Variants in VPS35L observed in about 807,000 individuals in gnomAD.
The protein encoded by VPS35L is VPS35 endosomal protein-sorting factor-like.
A neutral mutation model predicts 133.0 loss-of-function variants in VPS35L; 83 were observed. That is an observed-to-expected ratio of 0.62 (90% CI 0.52 to 0.75). The LOEUF is 0.75. Among genes scored for constraint, VPS35L ranks in the 30% least tolerant of loss-of-function variants. VPS35L has a pLI of 0.00. For missense variants in VPS35L, 1,083 were observed against 1,206.8 expected (o/e 0.90, Z 1.52); for synonymous variants, 423 against 449.9 (o/e 0.94, Z 0.76).
At chr16:19,570,789 T>TGACTTCA (rs1490826938) in intron 3 of VPS35L, among the ~76,000 whole-genome samples, 2 of 142,362 alleles carry the variant, frequency 1.4e-5, no homozygotes, top group Non-Finnish European at 3.0e-5. Flanking sequence ...CTGGCCAGTC[T>TGACTTCA]GACTTCAGAA....
Position 19,640,078 on chromosome 16 carries a change from T to C in VPS35L, c.1762T>C (p.Cys588Arg), listed in dbSNP as rs768183901. ...GAGTGTGCGGGTGGAGGTTTGCAAA[T>C]GCATCATGGACGCCTTTATCAAGTG... is the stretch of plus-strand genomic sequence containing the variant. ...KESVRVEVCK[C>R]IMDAFIKHQQ... The change falls in exon 21 of 31, where the codon TGC (cysteine) becomes CGC (arginine). Residue 588 changes from cysteine (C) to arginine (R), a missense_variant. Cys to Arg is a radical substitution (Grantham distance 180, BLOSUM62 -3). Transcript: ENST00000417362. 6.2e-7 allele frequency: 1 copy of C among 1,614,226 alleles called. No individual in the cohort carries two copies. The highest frequency in any genetic ancestry group is 1.1e-5 in the South Asian group (1 of 91,090).
intron 27 of VPS35L, among the ~76,000 whole-genome samples, chr16:19,673,707 T>TG (rs1163949940): frequency 1.3e-5 from 2 of 152,200 alleles, no homozygotes; most frequent in African/African-American, 4.8e-5. Flanking sequence ...AACACCTCAC[T>TG]AGGTGCCCCA....
intron 15 of VPS35L, 101 bp downstream of exon 15, chr16:19,626,324 G>A: frequency 1.2e-6 from 1 of 866,496 alleles, no homozygotes; most frequent in Non-Finnish European, 1.9e-6. Context: ...AGAGAGAGAG[G>A]CAGGACTGCA....
rs146681274 is a variant in VPS35L, at chr16:19,640,029, G to T, written c.1713G>T (p.Pro571=). The T allele has an allele frequency of 1.9e-5, 31 of 1,614,096 alleles. No individual in the cohort carries two copies. The African/African-American group carries it at 2.9e-4, about 15-fold the overall frequency. The change falls in exon 21 of 31, where the codon CCG becomes CCT. Residue 571 remains proline (P), a synonymous_variant. Coordinates refer to ENST00000417362, the MANE Select transcript of VPS35L (RefSeq NM_020314.7). ...SVLFSVEKFL[P]FLDMFQKESV... ...TTTATTTATAGGAAAAATTTCTGCC[G>T]TTTCTGGACATGTTCCAAAAAGAGA... is the stretch of plus-strand genomic sequence containing the variant.
At chr16:19,586,039 A>G (rs1971853268) in intron 7 of VPS35L, among the ~76,000 whole-genome samples, 1 of 152,060 alleles carries the variant, frequency 6.6e-6, no homozygotes, top group African/African-American at 2.4e-5. Context: ...CTAGGAGTAT[A>G]GACATATGCT....
intron 29 of VPS35L, among the ~76,000 whole-genome samples, chr16:19,696,173 C>T (rs1402645288): frequency 6.6e-6 from 1 of 152,160 alleles, no homozygotes; most frequent in Non-Finnish European, 1.5e-5. Context: ...CATAAGCCAC[C>T]GTGCCCGGCT....
chr16:19,584,326 G>A (rs1359530511), intron 7 of VPS35L, among the ~76,000 whole-genome samples: 1 of 152,154 alleles, frequency 6.6e-6, no homozygotes, highest in Non-Finnish European at 1.5e-5. Flanking sequence ...CACCCATAGT[G>A]TGTAAGAGTT....
intron 8 of VPS35L, among the ~76,000 whole-genome samples, chr16:19,597,382 AAAAG>A (rs796773132): frequency 5.9e-5 from 9 of 152,068 alleles, no homozygotes; most frequent in African/African-American, 1.2e-4. Context: ...GAAAAAAAAA[AAAAG>A]AAAGGAGGAA....
chr16:19,588,825 T>C (rs1336895963), intron 7 of VPS35L, among the ~76,000 whole-genome samples: 2 of 152,250 alleles, frequency 1.3e-5, no homozygotes, highest in African/African-American at 4.8e-5. Flanking sequence ...AACTGCTCTG[T>C]GCCTCTTCAG....
chr16:19,616,957 G>A (rs769226521), intron 14 of VPS35L, 149 bp downstream of exon 14: 3 of 1,185,916 alleles, frequency 2.5e-6, no homozygotes, highest in Non-Finnish European at 3.6e-6. Context: ...TGCCATGGTG[G>A]CTGGCTCTGT....
intron 12 of VPS35L, among the ~76,000 whole-genome samples, chr16:19,613,525 T>C (rs1218191918): frequency 6.6e-6 from 1 of 152,202 alleles, no homozygotes; most frequent in Admixed American, 6.5e-5. Context: ...TTGAGTTGGC[T>C]TCATTCTGTG....
intron 22 of VPS35L, among the ~76,000 whole-genome samples, chr16:19,643,504 C>T (rs1973848144): frequency 6.6e-6 from 1 of 152,152 alleles, no homozygotes; most frequent in Non-Finnish European, 1.5e-5. Context: ...TGTACCTCAA[C>T]CATGTCCACG....
intron 26 of VPS35L, among the ~76,000 whole-genome samples, chr16:19,663,380 A>T (rs1974550966): frequency 6.6e-6 from 1 of 152,046 alleles, no homozygotes; most frequent in Non-Finnish European, 1.5e-5. Context: ...CTCATCCACC[A>T]CTCCAATATT....
chr16:19,653,348 G>A (rs1052189190), intron 26 of VPS35L, among the ~76,000 whole-genome samples: 16 of 152,196 alleles, frequency 1.1e-4, no homozygotes, highest in African/African-American at 3.6e-4. Flanking sequence ...AAATCTTTAC[G>A]CGACATTTAT....
chr16:19,651,621 T>G (rs1974124812), intron 25 of VPS35L, among the ~76,000 whole-genome samples: 1 of 152,246 alleles, frequency 6.6e-6, no homozygotes, highest in African/African-American at 2.4e-5. Context: ...CTTGCTTCTC[T>G]TTCCTCAGTT....
chr16:19,700,302 A>G (rs1250608494), intron 30 of VPS35L, 76 bp from the exon 31 acceptor site: 6 of 1,299,636 alleles, frequency 4.6e-6, no homozygotes, highest in Non-Finnish European at 6.6e-6. Flanking sequence ...AGCTCACATA[A>G]TGGCTGATTC....
intron 2 of VPS35L, 47 bp from the exon 3 acceptor site, chr16:19,569,377 A>G (rs121235): frequency 0.37 from 586,303 of 1,593,208 alleles, 113,369 homozygotes; most frequent in African/African-American, 0.68. Context: ...GTTTCACTGG[A>G]GAGAGTTGTG....
chr16:19,564,459 T>C (rs1460445784), intron 1 of VPS35L, among the ~76,000 whole-genome samples: 4 of 151,864 alleles, frequency 2.6e-5, no homozygotes, highest in Non-Finnish European at 5.9e-5. Flanking sequence ...AGTGGAGTGG[T>C]GTGATCTCAG....
In VPS35L at chr16:19,601,701, G is replaced by A. The variant is rs1263870833; in HGVS notation, c.762G>A (p.Val254=). 1 of 1,614,174 alleles carries A rather than the reference G, an allele frequency of 6.2e-7. No homozygotes were observed. Among genetic ancestry groups the A allele is most frequent in the South Asian group, 1.1e-5 (1 of 91,082 alleles). Residue 254 remains valine (V), a synonymous_variant, in exon 9 of 31, where the codon GTG becomes GTA. Coordinates refer to ENST00000417362, the MANE Select transcript of VPS35L (RefSeq NM_020314.7). ...ACGAGCGCATCTTTTCCATGTGTGT[G>A]GATAGCCGCAGCGTCTTACCAGGTA... The part of the protein sequence containing the change: ...LVYERIFSMC[V]DSRSVLPDHF...
Sources: allele counts gnomAD v4.1 joint callset (sites outside exome capture counted in the v4.1 genomes callset), GRCh38; gene constraint gnomAD v4.1.1; transcripts MANE v1.5; gene names NCBI Gene and HGNC (gene_info 2026-07-23, HGNC 2026-07-21).